Variants in CNGB3 observed in about 807,000 individuals in gnomAD.
CNGB3 encodes the protein cyclic nucleotide-gated channel beta-3.
CNGB3 carries 86 observed loss-of-function variants against 92.8 expected under a neutral mutation model. The observed-to-expected ratio is 0.93, with a 90% confidence interval of 0.78 to 1.11. CNGB3 has a LOEUF of 1.11. Ranked by LOEUF, CNGB3 falls within the 50% of genes least tolerant of loss-of-function variation. The probability of loss-of-function intolerance (pLI) is 0.00; values close to 1 mark genes in which losing one functional copy is unlikely to be tolerated. For missense variants in CNGB3, 1,026 were observed against 956.8 expected (o/e 1.07, Z -0.95); for synonymous variants, 333 against 332.7 (o/e 1.00, Z -0.01).
At chr8:86,695,251 A>G (rs968251580) in intron 3 of CNGB3, among the ~76,000 whole-genome samples, 7 of 152,216 alleles carry the variant, frequency 4.6e-5, no homozygotes, top group African/African-American at 1.7e-4. Flanking sequence ...GCAGCAGTAC[A>G]GTCCAGCTTC....
chr8:86,627,401 T>C (rs552585966), intron 12 of CNGB3, among the ~76,000 whole-genome samples: 1 of 152,208 alleles, frequency 6.6e-6, no homozygotes, highest in Non-Finnish European at 1.5e-5. Context: ...TTTTGGTCAT[T>C]CAGGAAGAGA....
chr8:86,646,700 C>G (rs1483997951), intron 8 of CNGB3, among the ~76,000 whole-genome samples: 1 of 151,004 alleles, frequency 6.6e-6, no homozygotes, highest in Admixed American at 6.6e-5. Context: ...TAGATAATTA[C>G]CTACAATTTA....
intron 10 of CNGB3, among the ~76,000 whole-genome samples, chr8:86,635,297 G>A (rs1823040554): frequency 6.6e-6 from 1 of 152,062 alleles, no homozygotes; most frequent in South Asian, 2.1e-4. Flanking sequence ...TTACCCAAGA[G>A]TGAAGAGAAA....
chr8:86,716,330 C>A (rs1459642988), intron 3 of CNGB3, among the ~76,000 whole-genome samples: 1 of 152,188 alleles, frequency 6.6e-6, no homozygotes, highest in Non-Finnish European at 1.5e-5. Flanking sequence ...ACTTCCCTGG[C>A]CTTGCCAGAG....
intron 3 of CNGB3, among the ~76,000 whole-genome samples, chr8:86,722,486 T>A (rs543555445): frequency 6.6e-6 from 1 of 152,218 alleles, no homozygotes; most frequent in Non-Finnish European, 1.5e-5. Flanking sequence ...TTTATGTACA[T>A]AATGGAGATG....
chr8:86,628,682 G>A (rs1277397154), intron 12 of CNGB3, among the ~76,000 whole-genome samples: 4 of 151,530 alleles, frequency 2.6e-5, no homozygotes, highest in East Asian at 1.9e-4. Flanking sequence ...GTGTAATACC[G>A]AGCATCCAGA....
rs1821708899 is a variant in CNGB3, at chr8:86,578,869, G to T, written c.1929-6C>A. ...CCTTCTGCTTTAAAAGCACTCTGTG[G>T]GTAAGAGAGAAAAGCTGTTTTAGGT... On this transcript the variant is annotated splice_region_variant and splice_polypyrimidine_tract_variant and intron_variant, in intron 16 of 17. Coordinates refer to ENST00000320005, the MANE Select transcript of CNGB3 (RefSeq NM_019098.5). 1 of 1,614,014 alleles carries T rather than the reference G, an allele frequency of 6.2e-7. No individual in the cohort carries two copies. Among genetic ancestry groups the T allele is most frequent in the Non-Finnish European group, 8.5e-7 (1 of 1,179,998 alleles).
At chr8:86,660,658 TTCTTTTGTGTAGGCACA>T in intron 6 of CNGB3, 1 of 533,126 alleles carries the variant, frequency 1.9e-6, no homozygotes, top group South Asian at 1.4e-5. Context: ...TAATGACCAA[TTCTTTTGTGTAGGCACA>T]GCTACAGCCC....
intron 3 of CNGB3, among the ~76,000 whole-genome samples, chr8:86,725,565 G>A (rs766956965): frequency 1.1e-4 from 17 of 152,112 alleles, no homozygotes; most frequent in Non-Finnish European, 2.1e-4. Context: ...CGTGTATGTG[G>A]TAGAGTGAGC....
intron 3 of CNGB3, among the ~76,000 whole-genome samples, chr8:86,702,871 TAGG>T (rs1042449904): frequency 6.6e-6 from 1 of 152,026 alleles, no homozygotes; most frequent in African/African-American, 2.4e-5. Flanking sequence ...TTTTTTAAAA[TAGG>T]AGAGTTTTTA....
Position 86,681,562 on chromosome 8 carries a change from G to T in CNGB3, c.339-10464C>A, listed in dbSNP as rs148186574. ...AGATAAATCAGTCAAAGAAACTGTA[G>T]GGAAACATTCTGCAGAGCTGAAGAA... On this transcript the variant is annotated intron_variant, in intron 3 of 17. Coordinates refer to ENST00000320005, the MANE Select transcript of CNGB3 (RefSeq NM_019098.5). Among the ~76,000 whole-genome samples, 252 of 152,286 alleles carry T rather than the reference G, an allele frequency of 1.7e-3. 1 individual carries two copies. Among genetic ancestry groups the T allele is most frequent in the African/African-American group, 6.0e-3 (248 of 41,568 alleles).
intron 2 of CNGB3, among the ~76,000 whole-genome samples, chr8:86,734,552 G>C (rs1393977673): frequency 6.6e-6 from 1 of 152,198 alleles, no homozygotes; most frequent in Non-Finnish European, 1.5e-5. Context: ...TGGTTGGTTA[G>C]AGGTCACAGA....
chr8:86,709,652 G>A (rs188167931), intron 3 of CNGB3, among the ~76,000 whole-genome samples: 5 of 151,998 alleles, frequency 3.3e-5, no homozygotes, highest in East Asian at 1.9e-4. Flanking sequence ...ATGTTTTACC[G>A]CATTGTACAA....
intron 1 of CNGB3, among the ~76,000 whole-genome samples, chr8:86,741,358 A>G (rs564753841): frequency 3.3e-5 from 5 of 152,332 alleles, no homozygotes; most frequent in South Asian, 2.1e-4. Flanking sequence ...TAATTGCCCA[A>G]ATATGACTTT....
chr8:86,740,496 C>T (rs945322903), intron 1 of CNGB3, among the ~76,000 whole-genome samples: 2 of 152,056 alleles, frequency 1.3e-5, no homozygotes, highest in Non-Finnish European at 2.9e-5. Flanking sequence ...AGAAAATATT[C>T]CAGGCAGATG....
chr8:86,598,077 G>A (rs1486773131), intron 15 of CNGB3, among the ~76,000 whole-genome samples: 1 of 152,172 alleles, frequency 6.6e-6, no homozygotes, highest in Non-Finnish European at 1.5e-5. Context: ...GGTAGGCAGG[G>A]GCTAGACTCT....
At chr8:86,655,592 C>A (rs934672735) in intron 6 of CNGB3, among the ~76,000 whole-genome samples, 3 of 152,122 alleles carry the variant, frequency 2.0e-5, no homozygotes, top group African/African-American at 7.2e-5. Flanking sequence ...TTTCTCTGAG[C>A]CTTATAGCAC....
intron 15 of CNGB3, among the ~76,000 whole-genome samples, chr8:86,592,393 T>A (rs1054586300): frequency 5.3e-5 from 8 of 152,244 alleles, no homozygotes; most frequent in African/African-American, 1.7e-4. Context: ...GAGTGCTTAC[T>A]ATGAGCGAGA....
chr8:86,706,783 A>G (rs1368880168), intron 3 of CNGB3, among the ~76,000 whole-genome samples: 1 of 152,232 alleles, frequency 6.6e-6, no homozygotes, highest in Non-Finnish European at 1.5e-5. Context: ...GAATAATTGC[A>G]GTTGAAACCA....
Sources: allele counts gnomAD v4.1 joint callset (sites outside exome capture counted in the v4.1 genomes callset), GRCh38; gene constraint gnomAD v4.1.1; transcripts MANE v1.5; gene names NCBI Gene and HGNC (gene_info 2026-07-23, HGNC 2026-07-21).